DLG2: variants seen among roughly 807,000 people sequenced by gnomAD.
DLG2 encodes the protein disks large homolog 2.
DLG2 carries 45 observed loss-of-function variants against 132.5 expected under a neutral mutation model. The ratio of observed to expected loss-of-function variants is 0.34; its 90% confidence interval spans 0.27 to 0.44. The LOEUF (loss-of-function observed/expected upper bound fraction) is 0.44, where lower values mean the gene tolerates loss of function less well. Ranked by LOEUF, DLG2 falls within the 20% of genes least tolerant of loss-of-function variation. DLG2 has a pLI of 1.00. For missense variants in DLG2, 1,045 were observed against 1,196.9 expected (o/e 0.87, Z 1.87); for synonymous variants, 424 against 419.6 (o/e 1.01, Z -0.13).
chr11:85,470,317 T>C (rs998923740), intron 3 of DLG2, among the ~76,000 whole-genome samples: 8 of 151,578 alleles, frequency 5.3e-5, no homozygotes, highest in East Asian at 1.9e-4. Flanking sequence ...GAAGAAGCCA[T>C]AGCAAAATCA....
intron 18 of DLG2, among the ~76,000 whole-genome samples, chr11:83,669,589 C>T (rs1190059932): frequency 6.6e-6 from 1 of 152,070 alleles, no homozygotes; most frequent in African/African-American, 2.4e-5. Context: ...AATTTGTACC[C>T]TTAATATAAT....
intron 3 of DLG2, among the ~76,000 whole-genome samples, chr11:85,372,425 G>A (rs966845671): frequency 1.3e-5 from 2 of 152,200 alleles, no homozygotes; most frequent in Non-Finnish European, 2.9e-5. Context: ...AGGAGTCCAT[G>A]CAACCCCCCT....
At chr11:84,642,322 CCTGCAGCTTTGTATATACAAAG>C (rs1218240814) in intron 6 of DLG2, among the ~76,000 whole-genome samples, 1 of 151,760 alleles carries the variant, frequency 6.6e-6, no homozygotes, top group Admixed American at 6.6e-5. Flanking sequence ...AAAGCCAACT[CCTGCAGCTTTGTATATACAAAG>C]CTTTTCCTAC....
chr11:84,305,094 C>T (rs1451331592), intron 7 of DLG2, among the ~76,000 whole-genome samples: 1 of 152,094 alleles, frequency 6.6e-6, no homozygotes, highest in Non-Finnish European at 1.5e-5. Context: ...AAACATAGTG[C>T]AGGTTATCCT....
intron 3 of DLG2, among the ~76,000 whole-genome samples, chr11:85,514,886 G>C (rs1249922422): frequency 6.6e-6 from 1 of 151,750 alleles, no homozygotes; most frequent in African/African-American, 2.4e-5. Flanking sequence ...TAATCTTCTT[G>C]AATTATTTCA....
chr11:84,470,942 A>G (rs2099106815), intron 7 of DLG2, among the ~76,000 whole-genome samples: 1 of 151,860 alleles, frequency 6.6e-6, no homozygotes, highest in East Asian at 1.9e-4. Flanking sequence ...CCTGGCACTA[A>G]GACAGACAGG....
At chr11:83,668,848 C>CATATAT (rs1215231776) in intron 18 of DLG2, among the ~76,000 whole-genome samples, 29 of 105,090 alleles carry the variant, frequency 2.8e-4, no homozygotes, top group African/African-American at 1.3e-3. Flanking sequence ...AACACACACA[C>CATATAT]ACATATATAT....
chr11:84,990,037 T>G (rs751443102), intron 6 of DLG2, among the ~76,000 whole-genome samples: 2 of 152,204 alleles, frequency 1.3e-5, no homozygotes, highest in Non-Finnish European at 2.9e-5. Flanking sequence ...TAGAAAATTT[T>G]GCTCCTTGAA....
intron 6 of DLG2, among the ~76,000 whole-genome samples, chr11:85,059,271 A>G (rs1460652667): frequency 6.6e-6 from 1 of 151,038 alleles, no homozygotes; most frequent in Admixed American, 6.6e-5. Context: ...TAGCTACTGA[A>G]AAAAAAAATG....
intron 4 of DLG2, among the ~76,000 whole-genome samples, chr11:85,197,222 A>G (rs1478477285): frequency 1.3e-5 from 2 of 152,194 alleles, no homozygotes; most frequent in African/African-American, 4.8e-5. Context: ...TACTAAAATG[A>G]TATGTCTGTG....
intron 3 of DLG2, among the ~76,000 whole-genome samples, chr11:85,419,461 A>C (rs1449026351): frequency 6.6e-6 from 1 of 152,048 alleles, no homozygotes; most frequent in Admixed American, 6.5e-5. Flanking sequence ...CTGAATTTGA[A>C]TGTTGGCCTA....
chr11:85,169,125 A>G (rs58028528), intron 4 of DLG2, among the ~76,000 whole-genome samples: 3,958 of 152,258 alleles, frequency 0.026, 86 homozygotes, highest in East Asian at 0.095. Context: ...ATTACTTATA[A>G]TACCAAATAC....
chr11:84,325,581 T>G (rs1202052599), intron 7 of DLG2, among the ~76,000 whole-genome samples: 1 of 152,198 alleles, frequency 6.6e-6, no homozygotes, highest in Non-Finnish European at 1.5e-5. Context: ...GAACCATTCT[T>G]GCATCTCAGA....
chr11:83,990,761 C>A (rs1565939477), intron 11 of DLG2, among the ~76,000 whole-genome samples: 1 of 152,142 alleles, frequency 6.6e-6, no homozygotes, highest in African/African-American at 2.4e-5. Flanking sequence ...CTAAACAATT[C>A]AAAATTATTA....
chr11:84,464,827 TG>T (rs2099089793), intron 7 of DLG2, among the ~76,000 whole-genome samples: 1 of 151,072 alleles, frequency 6.6e-6, no homozygotes, highest in African/African-American at 2.4e-5. Context: ...CATACAAATA[TG>T]TAGTAATTAA....
In DLG2 at chr11:84,924,099, G is replaced by A. The variant is rs570379803; in HGVS notation, c.357+187562C>T. ...AGCTTCTGCCCCTATAAGTCCGTAA[G>A]GAAAAAAAAAAATTAAAAACATCCG... On this transcript the variant is annotated intron_variant, in intron 6 of 27. Transcript: ENST00000376104. Among the ~76,000 whole-genome samples, 199 of 151,450 alleles carry A rather than the reference G, an allele frequency of 1.3e-3. 2 individuals carry two copies. The highest frequency in any genetic ancestry group is 4.7e-3 in the African/African-American group (196 of 41,312).
intron 11 of DLG2, among the ~76,000 whole-genome samples, chr11:84,041,076 C>G (rs1388063306): frequency 6.6e-6 from 1 of 151,664 alleles, no homozygotes; most frequent in African/African-American, 2.4e-5. Context: ...GATTTTGTAT[C>G]CTGAGACTTT....
At chr11:85,029,169 CTG>C (rs1197477939) in intron 6 of DLG2, among the ~76,000 whole-genome samples, 1 of 150,134 alleles carries the variant, frequency 6.7e-6, no homozygotes, top group Non-Finnish European at 1.5e-5. Flanking sequence ...CTTAGAATAA[CTG>C]GAATTCATCA....
At chr11:84,078,373 T>G (rs1349360966) in intron 10 of DLG2, among the ~76,000 whole-genome samples, 2 of 152,156 alleles carry the variant, frequency 1.3e-5, no homozygotes, top group Non-Finnish European at 2.9e-5. Flanking sequence ...TCAATTTTAT[T>G]AAAAGCAAAG....
Sources: allele counts gnomAD v4.1 joint callset (sites outside exome capture counted in the v4.1 genomes callset), GRCh38; gene constraint gnomAD v4.1.1; transcripts MANE v1.5; gene names NCBI Gene and HGNC (gene_info 2026-07-23, HGNC 2026-07-21).